PLA2G4D: variants seen among roughly 807,000 people sequenced by gnomAD.
PLA2G4D encodes cytosolic phospholipase A2 delta.
A neutral mutation model predicts 94.4 loss-of-function variants in PLA2G4D; 80 were observed. That is an observed-to-expected ratio of 0.85 (90% CI 0.71 to 1.02). The LOEUF (loss-of-function observed/expected upper bound fraction) is 1.02. PLA2G4D is among the 50% of genes least tolerant of loss of function. The pLI is 0.00. For missense variants in PLA2G4D, 1,050 were observed against 1,034.7 expected (o/e 1.01, Z -0.20); for synonymous variants, 438 against 440.9 (o/e 0.99, Z 0.08).
At chr15:42,075,740 C>T (rs1196194891) in intron 13 of PLA2G4D, among the ~76,000 whole-genome samples, 2 of 152,004 alleles carry the variant, frequency 1.3e-5, no homozygotes, top group Non-Finnish European at 2.9e-5. Flanking sequence ...TACAAAAATT[C>T]GCCGTGCATG....
Position 42,079,540 on chromosome 15 carries a change from G to A in PLA2G4D, c.1314C>T (p.Gly438=). The A allele has an allele frequency of 1.3e-6, 2 of 1,598,938 alleles. No individual in the cohort carries two copies. Among genetic ancestry groups the A allele is most frequent in the Non-Finnish European group, 1.7e-6 (2 of 1,176,218 alleles). The change falls in exon 13 of 20, where the codon GGC becomes GGT. Residue 438 remains glycine, a synonymous_variant. Coordinates refer to ENST00000290472, the MANE Select transcript of PLA2G4D (RefSeq NM_178034.4). ...WALVLESMLH[G]QVMDQKLSGQ... ...CCCACGTGCGCAGGCGCCCTACCTG[G>A]CCGTGCAGCATGGACTCCAGCACTA...
At position 42,084,638 on chromosome 15, in the gene PLA2G4D, AAGG is replaced by A. The variant is rs1890105010; in HGVS notation, c.471+455_471+457del. On this transcript the variant is annotated intron_variant, in intron 6 of 19. Coordinates refer to ENST00000290472, the MANE Select transcript of PLA2G4D (RefSeq NM_178034.4). This position sits in a 1 kb window ranked among gnomAD's most constrained non-coding sequence, Gnocchi z 4.8. ...GCTGACCAGGACTCTCCCCAGTCCCAAGGAGGAGCTAGCTGCCTGAGCCTCTGA... is the reference window on the plus strand; with the variant it reads ...GCTGACCAGGACTCTCCCCAGTCCCAAGGAGCTAGCTGCCTGAGCCTCTGA... 6.7e-6 allele frequency among the ~76,000 whole-genome samples: 1 copy of A among 150,026 alleles called. No homozygotes were observed. Among genetic ancestry groups the A allele is most frequent in the African/African-American group, 2.4e-5 (1 of 40,890 alleles).
chr15:42,085,595 C>A, intron 4 of PLA2G4D, 64 bp from the exon 5 acceptor site: 2 of 1,506,084 alleles, frequency 1.3e-6, no homozygotes, highest in South Asian at 1.1e-5. Context: ...TGACACAGTT[C>A]TTTTACAGGT....
At position 42,081,589 on chromosome 15, in the gene PLA2G4D, C is replaced by A; in HGVS notation, c.847G>T (p.Gly283Cys). The A allele has an allele frequency of 6.2e-7, 1 of 1,614,170 alleles. No individual in the cohort carries two copies. The highest frequency in any genetic ancestry group is 8.5e-7 in the Non-Finnish European group (1 of 1,180,020). Residue 283 changes from glycine to cysteine, a missense_variant, in exon 11 of 20, where the codon GGC (glycine) becomes TGC (cysteine). Transcript: ENST00000290472. ...GCPEELAVHLGFNLCAEEQAF... is the reference protein window; with the variant it reads ...GCPEELAVHLCFNLCAEEQAF... The stretch of plus-strand genomic sequence containing the variant: ...TGCTCCTCTGCACAGAGATTGAAGC[C>A]CAGGTGCACGGCCAGCTCCTCAGGG...
chr15:42,075,467 C>T (rs1247527933), intron 13 of PLA2G4D, among the ~76,000 whole-genome samples: 1 of 152,216 alleles, frequency 6.6e-6, no homozygotes, highest in Non-Finnish European at 1.5e-5. Context: ...CCAAAGACTA[C>T]ATAGCACATA....
In PLA2G4D at chr15:42,084,071, G is replaced by A; in HGVS notation, c.472-292C>T. ...GAGCGCCCAGCCCTCAGACACAGCTGTTTCTTCTCTTGTTTCCCTGTGGCT... is the reference window on the plus strand; with the variant it reads ...GAGCGCCCAGCCCTCAGACACAGCTATTTCTTCTCTTGTTTCCCTGTGGCT... On this transcript the variant is annotated intron_variant, in intron 6 of 19. Coordinates refer to ENST00000290472, the MANE Select transcript of PLA2G4D (RefSeq NM_178034.4). This position sits in a 1 kb window ranked among gnomAD's most constrained non-coding sequence, Gnocchi z 4.8. The A allele has an allele frequency of 2.5e-6, 1 of 406,394 alleles. No individual in the cohort carries two copies. Among genetic ancestry groups the A allele is most frequent in the South Asian group, 4.0e-5 (1 of 24,984 alleles). The allele number at this position is 406,394 out of a possible 1,614,324, so 25.2% of individuals were successfully genotyped here. A position where few individuals can be genotyped will look rare whatever the true frequency, so the allele number is the denominator to read the frequency against.
intron 5 of PLA2G4D, 152 bp from the exon 6 acceptor site, chr15:42,085,290 G>A: frequency 1.9e-6 from 2 of 1,060,532 alleles, no homozygotes; most frequent in Non-Finnish European, 2.9e-6. Flanking sequence ...GGAGAGGGGA[G>A]GGGAGAGAGC....
chr15:42,076,051 T>C (rs1172217812), intron 13 of PLA2G4D, among the ~76,000 whole-genome samples: 1 of 152,126 alleles, frequency 6.6e-6, no homozygotes, highest in African/African-American at 2.4e-5. Context: ...GATACCAAGA[T>C]TTATCACAAA....
Position 42,085,481 on chromosome 15 carries a change from C to T in PLA2G4D, c.428+10G>A. 2 of 1,614,002 alleles carry T rather than the reference C, an allele frequency of 1.2e-6. No homozygotes were observed. The highest frequency in any genetic ancestry group is 1.7e-6 in the Non-Finnish European group (2 of 1,179,976). ...CTGAGACACTCCCTGGGCTGTGTGACATTACTCACGTTTCTTCCATCAGGA... is the reference window on the plus strand; with the variant it reads ...CTGAGACACTCCCTGGGCTGTGTGATATTACTCACGTTTCTTCCATCAGGA... On this transcript the variant is annotated intron_variant, in intron 5 of 19. Coordinates refer to ENST00000290472, the MANE Select transcript of PLA2G4D (RefSeq NM_178034.4).
In PLA2G4D at chr15:42,068,946, C is replaced by A; in HGVS notation, c.2231-5G>T. 1 of 1,605,956 alleles carries A rather than the reference C, an allele frequency of 6.2e-7. No homozygotes were observed. Among genetic ancestry groups the A allele is most frequent in the Non-Finnish European group, 8.5e-7 (1 of 1,177,464 alleles). On this transcript the variant is annotated splice_region_variant and splice_polypyrimidine_tract_variant and intron_variant, in intron 19 of 19. Transcript: ENST00000290472. The stretch of plus-strand genomic sequence containing the variant: ...CTGCGGGGCTGCGCTGGACACCTGC[C>A]CAGGGGTAGGAGGGGTGTCAGGAGC...
At chr15:42,073,325 G>C (rs564303883) in intron 13 of PLA2G4D, among the ~76,000 whole-genome samples, 125 of 152,314 alleles carry the variant, frequency 8.2e-4, no homozygotes, top group African/African-American at 3.0e-3. Flanking sequence ...AACGACTATA[G>C]CTTGCCTTTT....
rs755634539 is a variant in PLA2G4D, at chr15:42,071,276, C to T, written c.1723G>A (p.Glu575Lys). ...LTTSGTSSRL[E>K]ASWLQPGTAL... is the part of the protein sequence containing the mutation. ...GTGCCTGGCTGCAGCCACGAGGCCT[C>T]CAGCCGCGAGGAGGTCCCCGAGGTG... Residue 575 changes from glutamate to lysine, a missense_variant, in exon 17 of 20, where the codon GAG becomes AAG. Glu to Lys is a moderately conservative substitution (Grantham distance 56). Transcript: ENST00000290472. 5 of 1,599,458 alleles carry T rather than the reference C, an allele frequency of 3.1e-6. No homozygotes were observed. The East Asian group carries it at 1.1e-4, about 36-fold the overall frequency.
chr15:42,078,091 C>T (rs929874702), intron 13 of PLA2G4D, among the ~76,000 whole-genome samples: 4 of 152,264 alleles, frequency 2.6e-5, no homozygotes, highest in African/African-American at 4.8e-5. Context: ...GACTGTGGAA[C>T]TGTCCCTGAG....
chr15:42,081,777 C>T lies in PLA2G4D; in HGVS notation c.821+20G>A. Reference sequence around the variant, plus strand: ...GCATGCCCGCCTCTCACTGTCCCCACAGATGTGAATGTCCCTTACCAGCCC... The same window carrying T: ...GCATGCCCGCCTCTCACTGTCCCCATAGATGTGAATGTCCCTTACCAGCCC... On this transcript the variant is annotated intron_variant, in intron 10 of 19. Transcript: ENST00000290472. 6.2e-7 allele frequency: 1 copy of T among 1,614,208 alleles called. No individual in the cohort carries two copies. The highest frequency in any genetic ancestry group is 8.5e-7 in the Non-Finnish European group (1 of 1,180,032).
Position 42,084,156 on chromosome 15 carries a change from T to C in PLA2G4D, c.472-377A>G, listed in dbSNP as rs1052670088. 4.1e-5 allele frequency: 9 copies of C among 218,514 alleles called. No individual in the cohort carries two copies. The Admixed American group carries it at 4.7e-4, about 11-fold the overall frequency. The allele number at this position is 218,514 out of a possible 1,614,324, so 13.5% of individuals were successfully genotyped here. A position where few individuals can be genotyped will look rare whatever the true frequency, so the allele number is the denominator to read the frequency against. ...ATAATCTAAGCAAGCCGCCCATCCATAGGAGGGTAGACGGGGCGTCGGACA... is the reference window on the plus strand; with the variant it reads ...ATAATCTAAGCAAGCCGCCCATCCACAGGAGGGTAGACGGGGCGTCGGACA... On this transcript the variant is annotated intron_variant, in intron 6 of 19. Coordinates refer to ENST00000290472, the MANE Select transcript of PLA2G4D (RefSeq NM_178034.4). This position sits in a 1 kb window ranked among gnomAD's most constrained non-coding sequence, Gnocchi z 4.8.
intron 13 of PLA2G4D, 77 bp downstream of exon 13, chr15:42,079,460 A>G (rs1889989490): frequency 2.1e-6 from 3 of 1,405,876 alleles, no homozygotes; most frequent in East Asian, 5.1e-5. Context: ...ACGCACGCGC[A>G]TGTCAGCCGC....
chr15:42,089,466 A>C (rs1355881124), intron 1 of PLA2G4D, among the ~76,000 whole-genome samples: 1 of 152,084 alleles, frequency 6.6e-6, no homozygotes, highest in Admixed American at 6.5e-5. Flanking sequence ...AGCAGAGCAC[A>C]TGTGACCTCC....
rs561132236 is a variant in PLA2G4D, at chr15:42,087,701, CT to C, written c.46-2del. On this transcript the variant is annotated splice_acceptor_variant, in intron 1 of 19. Coordinates refer to ENST00000290472, the MANE Select transcript of PLA2G4D (RefSeq NM_178034.4). LOFTEE classifies it high-confidence loss of function. ...GCTGCCAGCAGGTAGAGGCCTCCCC[CT>C]GAAGAGAAAATCAAACTCCAGAGTC... The C allele has an allele frequency of 4.3e-3, 6,949 of 1,614,078 alleles. 22 individuals carry two copies. Among genetic ancestry groups the C allele is most frequent in the Middle Eastern group, 0.014 (86 of 6,062 alleles).
intron 18 of PLA2G4D, 174 bp from the exon 19 acceptor site, chr15:42,070,269 T>A: frequency 1.6e-6 from 1 of 606,842 alleles, no homozygotes; most frequent in Non-Finnish European, 2.7e-6. Flanking sequence ...GTCCAAGGAC[T>A]CTGGTGGTCT....
Sources: gnomAD v4.1 joint callset for allele counts (sites outside exome capture counted in the v4.1 genomes callset) on GRCh38, gnomAD v4.1.1 for gene constraint, Gnocchi (gnomAD v3.1) non-coding constraint, MANE v1.5 for transcripts, NCBI Gene and HGNC (gene_info 2026-07-23, HGNC 2026-07-21) for gene names.